The following FSD1L variants were observed in gnomAD, a reference collection of about 807,000 sequenced individuals.
The protein encoded by FSD1L is fibronectin type III and SPRY domain containing 1 like, also known as FSD1-like protein.
FSD1L carries 45 observed loss-of-function variants against 71.6 expected under a neutral mutation model. The observed-to-expected ratio is 0.63, with a 90% CI of 0.49 to 0.81. The LOEUF (loss-of-function observed/expected upper bound fraction) is 0.81, where lower values mean the gene tolerates loss of function less well. Ranked by LOEUF, FSD1L falls within the 30% of genes least tolerant of loss-of-function variation. FSD1L has a pLI of 0.00. For synonymous variants in FSD1L, 197 were observed against 207.2 expected (o/e 0.95, Z 0.42); for missense variants, 561 against 618.1 (o/e 0.91, Z 0.98).
chr9:105,528,447 G>A (rs1301995908), intron 10 of FSD1L, among the ~76,000 whole-genome samples: 2 of 152,142 alleles, frequency 1.3e-5, no homozygotes, highest in Non-Finnish European at 2.9e-5. Flanking sequence ...ATAGACCAAT[G>A]GAAGAGAACA....
chr9:105,523,901 A>G, intron 10 of FSD1L: 2 of 1,590,948 alleles, frequency 1.3e-6, no homozygotes, highest in Non-Finnish European at 1.7e-6. Flanking sequence ...ATTTTATTGT[A>G]GCAGCTGGTA....
intron 7 of FSD1L, among the ~76,000 whole-genome samples, chr9:105,495,851 T>C (rs1287630158): frequency 2.0e-5 from 3 of 151,828 alleles, no homozygotes; most frequent in African/African-American, 4.8e-5. Flanking sequence ...GATGGGCGCA[T>C]GTAGTCCCAG....
chr9:105,541,356 C>G (rs957156609), intron 13 of FSD1L, among the ~76,000 whole-genome samples: 12 of 148,322 alleles, frequency 8.1e-5, no homozygotes, highest in African/African-American at 3.0e-4. Context: ...TTTTTCCAAA[C>G]TGGTCCATCA....
intron 5 of FSD1L, among the ~76,000 whole-genome samples, chr9:105,478,433 C>T (rs984316668): frequency 1.3e-5 from 2 of 152,174 alleles, no homozygotes; most frequent in African/African-American, 4.8e-5. Context: ...TTAAGTATTA[C>T]TATGTCCTAA....
chr9:105,465,847 A>C (rs1831029261), intron 3 of FSD1L, among the ~76,000 whole-genome samples: 1 of 152,236 alleles, frequency 6.6e-6, no homozygotes, highest in Middle Eastern at 3.4e-3. Flanking sequence ...TAAAGTCAGG[A>C]ACAAGACAAA....
intron 7 of FSD1L, among the ~76,000 whole-genome samples, chr9:105,494,255 C>A (rs1310821921): frequency 6.6e-6 from 1 of 152,098 alleles, no homozygotes; most frequent in Non-Finnish European, 1.5e-5. Context: ...TTCATTTCAT[C>A]TTCCATTGCT....
chr9:105,493,373 T>C (rs1210305344), intron 7 of FSD1L, among the ~76,000 whole-genome samples: 3 of 152,148 alleles, frequency 2.0e-5, no homozygotes, highest in Admixed American at 6.5e-5. Flanking sequence ...CTCCATCCTT[T>C]TATTTTGAGC....
chr9:105,494,942 G>A (rs1042727103), intron 7 of FSD1L, among the ~76,000 whole-genome samples: 1 of 152,194 alleles, frequency 6.6e-6, no homozygotes, highest in Non-Finnish European at 1.5e-5. Context: ...AGGCTGCTCG[G>A]GGGTCAGGGG....
chr9:105,526,814 G>T lies in FSD1L; in HGVS notation c.1026-7679G>T, dbSNP rs1835541720. Among the ~76,000 whole-genome samples, 4 of 151,822 alleles carry T rather than the reference G, an allele frequency of 2.6e-5. No homozygotes were observed. In the South Asian group the frequency reaches 8.3e-4, roughly 32 times the overall value. ...CTTCCTAGATAATTATGTCTAAGTA[G>T]TTTTATCTTTAATTTCATGGTTAAC... On this transcript the variant is annotated intron_variant, in intron 10 of 13. Coordinates refer to ENST00000481272, the MANE Select transcript of FSD1L (RefSeq NM_001145313.3).
rs1829728894 is a variant in FSD1L, at chr9:105,448,073, G to A, written c.-148G>A. The A allele has an allele frequency of 1.7e-5, 15 of 869,676 alleles. No individual in the cohort carries two copies. The South Asian group carries it at 2.2e-4, about 13-fold the overall frequency. 53.9% of individuals were successfully genotyped at this position (869,676 alleles called of 1,614,324 possible). ...ACCGCGGCGTGACTACGGCGCGCGCGGTCTGGGCGCGGACGGGTGGGGCCG... is the reference window on the plus strand; with the variant it reads ...ACCGCGGCGTGACTACGGCGCGCGCAGTCTGGGCGCGGACGGGTGGGGCCG... On this transcript the variant is annotated 5_prime_UTR_variant, in exon 1 of 14. Transcript: ENST00000481272.
chr9:105,524,641 C>G, intron 10 of FSD1L: 1 of 1,613,876 alleles, frequency 6.2e-7, no homozygotes, highest in Non-Finnish European at 8.5e-7. Flanking sequence ...GATTATGATC[C>G]TTTTATGCAT....
chr9:105,491,939 A>G (rs1454638015), intron 7 of FSD1L, among the ~76,000 whole-genome samples: 1 of 152,234 alleles, frequency 6.6e-6, no homozygotes, highest in African/African-American at 2.4e-5. Flanking sequence ...ATGTTCATCA[A>G]GGATATTGGT....
Position 105,547,863 on chromosome 9 carries a change from C to CA in FSD1L, c.*1381dup. The CA allele has an allele frequency of 6.6e-6, 1 of 151,864 alleles. No homozygotes were observed. Among genetic ancestry groups the CA allele is most frequent in the South Asian group, 2.1e-4 (1 of 4,822 alleles). The allele number at this position is 151,864 out of a possible 1,614,324, so 9.4% of individuals were successfully genotyped here. A position where few individuals can be genotyped will look rare whatever the true frequency, so the allele number is the denominator to read the frequency against. On this transcript the variant is annotated 3_prime_UTR_variant, in exon 14 of 14. Coordinates refer to ENST00000481272, the MANE Select transcript of FSD1L (RefSeq NM_001145313.3). Reference sequence around the variant, plus strand: ...AACTTTACATTTGTTGACTTTTTTTCATTCTCATTTAAAATATATTGTGCT... The same window carrying CA: ...AACTTTACATTTGTTGACTTTTTTTCAATTCTCATTTAAAATATATTGTGCT...
At chr9:105,509,121 G>A (rs1015218607) in intron 9 of FSD1L, among the ~76,000 whole-genome samples, 3 of 152,056 alleles carry the variant, frequency 2.0e-5, no homozygotes, top group African/African-American at 4.8e-5. Flanking sequence ...AACAGTTAAC[G>A]TTTATATAGT....
At chr9:105,490,964 G>T (rs1367531505) in intron 7 of FSD1L, among the ~76,000 whole-genome samples, 9 of 149,066 alleles carry the variant, frequency 6.0e-5, no homozygotes, top group African/African-American at 2.0e-4. Flanking sequence ...TGTTCTTTTG[G>T]CTTAGGATTG....
chr9:105,488,277 G>T (rs1832685757), intron 7 of FSD1L, among the ~76,000 whole-genome samples: 1 of 152,190 alleles, frequency 6.6e-6, no homozygotes, highest in Non-Finnish European at 1.5e-5. Flanking sequence ...GAATCATATA[G>T]TAAGTAGCCT....
upstream of FSD1L, among the ~76,000 whole-genome samples, chr9:105,446,697 G>A (rs1347415525): frequency 6.7e-6 from 1 of 149,470 alleles, no homozygotes; most frequent in Non-Finnish European, 1.5e-5. Context: ...ACCTATAACC[G>A]TCTAGCACGT....
intron 9 of FSD1L, among the ~76,000 whole-genome samples, chr9:105,508,951 A>C (rs1445190072): frequency 1.3e-5 from 2 of 152,210 alleles, no homozygotes; most frequent in Non-Finnish European, 2.9e-5. Context: ...ATGGTATTGT[A>C]TTCTCTGGGA....
chr9:105,534,641 A>C (rs1383379661), intron 11 of FSD1L, 48 bp downstream of exon 11: 1 of 1,067,654 alleles, frequency 9.4e-7, no homozygotes, highest in Non-Finnish European at 1.4e-6. Flanking sequence ...TAAAGGCATC[A>C]CAATCACACT....
Sources: gnomAD v4.1 joint callset for allele counts (sites outside exome capture counted in the v4.1 genomes callset) on GRCh38, gnomAD v4.1.1 for gene constraint, MANE v1.5 for transcripts, NCBI Gene and HGNC (gene_info 2026-07-23, HGNC 2026-07-21) for gene names.